CRACDL: variants seen among roughly 807,000 people sequenced by gnomAD.
CRACDL encodes the protein CRACD-like protein.
CRACDL carries 26 observed loss-of-function variants against 70.6 expected under a neutral mutation model. The ratio of observed to expected loss-of-function variants is 0.37; its 90% CI spans 0.27 to 0.51. The LOEUF (loss-of-function observed/expected upper bound fraction) is 0.51, where lower values mean the gene tolerates loss of function less well. Among genes scored for constraint, CRACDL ranks in the 20% least tolerant of loss-of-function variants. CRACDL has a pLI of 0.94. For missense variants in CRACDL, 1,283 were observed against 1,376.9 expected, an observed-to-expected ratio of 0.93 and a Z score of 1.08; for synonymous variants, 618 against 615.2, an observed-to-expected ratio of 1.00 and a Z score of -0.07.
rs545300260 is a variant in CRACDL, at chr2:98,892,192, A to G, written c.-11+43746T>C. Among the ~76,000 whole-genome samples, 8 of 152,338 alleles carry G rather than the reference A, an allele frequency of 5.3e-5. No individual in the cohort carries two copies. The South Asian group carries it at 1.7e-3, about 32-fold the overall frequency. On this transcript the variant is annotated intron_variant, in intron 1 of 9. Coordinates refer to ENST00000397899, the MANE Select transcript of CRACDL (RefSeq NM_207362.3). ...CAGGCAATTCCACCTCTGGGAATCT[A>G]TTCTACAGAAATATTCACAGAGGCA...
chr2:98,817,662 G>A (rs552314129), intron 7 of CRACDL, among the ~76,000 whole-genome samples: 1 of 152,052 alleles, frequency 6.6e-6, no homozygotes, highest in Non-Finnish European at 1.5e-5. Flanking sequence ...CCATCTTTTG[G>A]GGCCAAGAAA....
chr2:98,845,531 T>C (rs1432166906), intron 2 of CRACDL, among the ~76,000 whole-genome samples: 1 of 151,868 alleles, frequency 6.6e-6, no homozygotes, highest in East Asian at 1.9e-4. Context: ...TATTTCTTAC[T>C]TTGAAAAATA....
intron 1 of CRACDL, among the ~76,000 whole-genome samples, chr2:98,900,216 T>G (rs562241204): frequency 5.4e-4 from 17 of 31,616 alleles, no homozygotes; most frequent in South Asian, 1.1e-3. Context: ...AGAGGCTCAG[T>G]GGGAGGGGAG....
intron 7 of CRACDL, among the ~76,000 whole-genome samples, chr2:98,816,994 T>C (rs571301497): frequency 5.3e-5 from 8 of 152,304 alleles, no homozygotes; most frequent in Non-Finnish European, 8.8e-5. Context: ...ATGCAGTGTA[T>C]ACCTACAGTG....
intron 8 of CRACDL, 81 bp downstream of exon 8, chr2:98,797,269 G>T: frequency 1.5e-6 from 2 of 1,318,994 alleles, no homozygotes; most frequent in Non-Finnish European, 1.1e-6. Flanking sequence ...CAGCACATGT[G>T]GTCCTTACAG....
At chr2:98,902,144 C>A (rs540991208) in intron 1 of CRACDL, among the ~76,000 whole-genome samples, 1 of 152,300 alleles carries the variant, frequency 6.6e-6, no homozygotes, top group East Asian at 1.9e-4. Context: ...GGAAACAGCT[C>A]GCAAATGAGA....
In CRACDL at chr2:98,822,013, C is replaced by T. The variant is rs1465780164; in HGVS notation, c.2260G>A (p.Glu754Lys). ...DQGKGKARPP[E>K]PLSSKPPLPR... The stretch of plus-strand genomic sequence containing the variant: ...AGGGGCGGCTTGGAGCTGAGCGGCT[C>T]GGGGGGCCGGGCCTTCCCCTTTCCT... Residue 754 changes from glutamate to lysine, a missense_variant, in exon 7 of 10, where the codon GAG (glutamate) becomes AAG (lysine). Physicochemically the swap from Glu to Lys is moderately conservative, Grantham distance 56 (BLOSUM62 1). Around this residue, in one of 2 missense-constraint regions of CRACDL, gnomAD observed 921 missense variants for 881.9 expected, o/e 1.04. Coordinates refer to ENST00000397899, the MANE Select transcript of CRACDL (RefSeq NM_207362.3). The surrounding 1 kb of genome is among the most constrained non-coding windows in gnomAD (Gnocchi z 4.9). 13 of 1,537,796 alleles carry T rather than the reference C, an allele frequency of 8.5e-6. No individual in the cohort carries two copies. The highest frequency in any genetic ancestry group is 2.5e-5 in the East Asian group (1 of 40,680).
chr2:98,801,798 G>A (rs1378933428), intron 7 of CRACDL, among the ~76,000 whole-genome samples: 1 of 152,218 alleles, frequency 6.6e-6, no homozygotes, highest in African/African-American at 2.4e-5. Context: ...AAGATTCTGT[G>A]AGAGAATCCA....
chr2:98,819,919 A>T (rs1195769669), intron 7 of CRACDL, among the ~76,000 whole-genome samples: 1 of 144,502 alleles, frequency 6.9e-6, no homozygotes, highest in Non-Finnish European at 1.5e-5. Context: ...TCCTGGGTTC[A>T]AGCGATTCTC....
chr2:98,843,960 C>CA (rs576557629), intron 2 of CRACDL, among the ~76,000 whole-genome samples: 22 of 151,842 alleles, frequency 1.4e-4, no homozygotes, highest in Middle Eastern at 6.8e-3. Flanking sequence ...TGGGTTATTT[C>CA]AAAAAAAATC....
chr2:98,798,698 C>CTTT (rs963222523), intron 7 of CRACDL, among the ~76,000 whole-genome samples: 1 of 144,842 alleles, frequency 6.9e-6, no homozygotes, highest in South Asian at 2.2e-4. Flanking sequence ...CTTTTCTTTT[C>CTTT]TTTTTTTTTT....
intron 1 of CRACDL, chr2:98,897,382 A>G (rs191958254): frequency 6.0e-4 from 776 of 1,303,884 alleles, no homozygotes; most frequent in Non-Finnish European, 7.6e-4. Flanking sequence ...CCTACCTTTT[A>G]TCTTGCACGG....
Position 98,822,364 on chromosome 2 carries a change from G to C in CRACDL, c.1909C>G (p.Pro637Ala). The part of the protein sequence containing the change: ...PGPRKLAERG[P>A]QDSGDRAASP... The stretch of plus-strand genomic sequence containing the variant: ...GCCGCCCTGTCCCCCGAGTCCTGAG[G>C]GCCGCGCTCCGCCAGCTTCCGAGGG... The change falls in exon 7 of 10, where the codon CCT becomes GCT. Residue 637 changes from proline to alanine, a missense_variant. Coordinates refer to ENST00000397899, the MANE Select transcript of CRACDL (RefSeq NM_207362.3). This position sits in a 1 kb window ranked among gnomAD's most constrained non-coding sequence, Gnocchi z 4.9. The C allele has an allele frequency of 6.8e-7, 1 of 1,471,142 alleles. No homozygotes were observed. The allele number at this position is 1,471,142 out of a possible 1,614,324, so 91.1% of individuals were successfully genotyped here.
chr2:98,931,303 C>T (rs1051972056), intron 1 of CRACDL, among the ~76,000 whole-genome samples: 37 of 130,680 alleles, frequency 2.8e-4, no homozygotes, highest in Non-Finnish European at 1.2e-4. Flanking sequence ...CCAGCCTGGG[C>T]GACAGAGCAA....
At chr2:98,864,544 T>A (rs930350225) in intron 1 of CRACDL, among the ~76,000 whole-genome samples, 1 of 151,350 alleles carries the variant, frequency 6.6e-6, no homozygotes, top group Non-Finnish European at 1.5e-5. Context: ...CCATTGATTG[T>A]ACCCTTTTTT....
chr2:98,830,127 C>G (rs781497512), intron 5 of CRACDL, among the ~76,000 whole-genome samples: 6 of 152,234 alleles, frequency 3.9e-5, no homozygotes, highest in Non-Finnish European at 8.8e-5. Context: ...CCTGGCATGT[C>G]CTGCTTCATA....
chr2:98,907,207 G>A (rs909860292), intron 1 of CRACDL, among the ~76,000 whole-genome samples: 1 of 152,172 alleles, frequency 6.6e-6, no homozygotes, highest in African/African-American at 2.4e-5. Context: ...CAGGAGAATC[G>A]CTTGAACCCA....
intron 1 of CRACDL, among the ~76,000 whole-genome samples, chr2:98,925,960 A>AG (rs1455405560): frequency 4.6e-5 from 7 of 152,232 alleles, no homozygotes; most frequent in South Asian, 4.1e-4. Context: ...GTTATGCATT[A>AG]GGCAGCCTGG....
chr2:98,794,775 G>A (rs1703728829), intron 9 of CRACDL, 104 bp from the exon 10 acceptor site: 7 of 880,222 alleles, frequency 8.0e-6, no homozygotes, highest in Non-Finnish European at 1.2e-5. Context: ...TCTTAACTGT[G>A]TTCTCGAACA....
Sources: allele counts gnomAD v4.1 joint callset (sites outside exome capture counted in the v4.1 genomes callset), GRCh38; gene constraint gnomAD v4.1.1; regional missense constraint gnomAD v4.1.1; non-coding constraint Gnocchi (gnomAD v3.1); transcripts MANE v1.5; gene names NCBI Gene and HGNC (gene_info 2026-07-23, HGNC 2026-07-21).